The following CTSE variants were observed in gnomAD, a reference collection of about 807,000 sequenced individuals.
The protein encoded by CTSE is erythrocyte membrane aspartic proteinase.
Under a neutral mutation model 42.8 loss-of-function variants are expected in CTSE, and 43 were observed. The observed-to-expected ratio is 1.01, with a 90% CI of 0.79 to 1.30. CTSE has a LOEUF of 1.30. Among genes scored for constraint, CTSE ranks in the 50% most tolerant of loss-of-function variants. The probability of loss-of-function intolerance (pLI) is 0.00; values close to 1 mark genes in which losing one functional copy is unlikely to be tolerated. For synonymous variants in CTSE, 205 were observed against 191.5 expected, an observed-to-expected ratio of 1.07 and a Z score of -0.58; for missense variants, 532 against 493.5, an observed-to-expected ratio of 1.08 and a Z score of -0.74.
At position 206,023,665 on chromosome 1, in the gene CTSE, C is replaced by G. The variant is rs879988878; in HGVS notation, c.68+59G>C. 10 of 1,536,768 alleles carry G rather than the reference C, an allele frequency of 6.5e-6. No homozygotes were observed. In the South Asian group the frequency reaches 1.0e-4, roughly 15 times the overall value. On this transcript the variant is annotated intron_variant, in intron 1 of 8. Coordinates refer to ENST00000358184, the MANE Select transcript of CTSE (RefSeq NM_001910.4). ...CATCAGCTTTCCTACCCCAGAGCAG[C>G]CCTGAGTTGCAGGGCATGGGACTAC...
intron 5 of CTSE, among the ~76,000 whole-genome samples, chr1:206,014,870 T>C (rs28410805): frequency 0.3 from 46,002 of 151,922 alleles, 10,336 homozygotes; most frequent in African/African-American, 0.63. Flanking sequence ...TCCTGAGTGC[T>C]GTCATGCTGG....
rs781885529 is a variant in CTSE, at chr1:206,022,192, T to C, written c.301A>G (p.Asn101Asp). The C allele has an allele frequency of 1.9e-6, 3 of 1,612,946 alleles. No individual in the cohort carries two copies. In the South Asian group the frequency reaches 3.3e-5, roughly 18 times the overall value. ...CAGTACACAGAGGGGACCCAGAGGT[T>C]GGAGGAGCCAGTGTCGAAGATGACA... The part of the protein sequence containing the change: ...FTVIFDTGSS[N>D]LWVPSVYCTS... The change falls in exon 3 of 9, where the codon AAC becomes GAC. Residue 101 changes from asparagine to aspartate, a missense_variant. Coordinates refer to ENST00000358184, the MANE Select transcript of CTSE (RefSeq NM_001910.4).
Position 206,009,971 on chromosome 1 carries a change from G to T in CTSE, c.*212C>A. 1 of 519,132 alleles carries T rather than the reference G, an allele frequency of 1.9e-6. No homozygotes were observed. Among genetic ancestry groups the T allele is most frequent in the Non-Finnish European group, 3.4e-6 (1 of 293,194 alleles). The allele number at this position is 519,132 out of a possible 1,614,324, so 32.2% of individuals were successfully genotyped here. Reference sequence around the variant, plus strand: ...TATAACGTAATTCCTCCATCATGACGGTGGTGGGAGTGGTGTGTATGTGTG... The same window carrying T: ...TATAACGTAATTCCTCCATCATGACTGTGGTGGGAGTGGTGTGTATGTGTG... On this transcript the variant is annotated 3_prime_UTR_variant, in exon 9 of 9. Transcript: ENST00000358184.
At chr1:206,016,471 G>GCTTATTGTACAC (rs1553277755) in intron 4 of CTSE, among the ~76,000 whole-genome samples, 1 of 151,936 alleles carries the variant, frequency 6.6e-6, no homozygotes, top group African/African-American at 2.4e-5. Flanking sequence ...CTCATCATGT[G>GCTTATTGTACAC]CTTATTGTAC....
chr1:206,021,447 G>T (rs1347656787), intron 3 of CTSE: 1 of 356,590 alleles, frequency 2.8e-6, no homozygotes, highest in East Asian at 5.4e-5. Flanking sequence ...TTTATCAGGC[G>T]CCAGCCACAG....
Position 206,022,885 on chromosome 1 carries a change from C to T in CTSE, c.225+16G>A. 4 of 1,557,898 alleles carry T rather than the reference C, an allele frequency of 2.6e-6. No individual in the cohort carries two copies. The highest frequency in any genetic ancestry group is 3.5e-6 in the Non-Finnish European group (4 of 1,147,558). On this transcript the variant is annotated intron_variant, in intron 2 of 8. Coordinates refer to ENST00000358184, the MANE Select transcript of CTSE (RefSeq NM_001910.4). ...CGCTCCCACCTCTCCCCAGCCCTGA[C>T]CCCAGGAGGCCTCACATCCAAGTAG...
At chr1:206,010,465 G>T (rs1571807072) in intron 8 of CTSE, 118 bp from the exon 9 acceptor site, 1 of 838,772 alleles carries the variant, frequency 1.2e-6, no homozygotes. Context: ...CAGCTGGTGG[G>T]TTCCACCATT....
intron 3 of CTSE, chr1:206,021,479 C>A: frequency 3.2e-6 from 1 of 311,530 alleles, no homozygotes; most frequent in Non-Finnish European, 5.9e-6. Context: ...CATTGTGGGT[C>A]AGAGGTTGGC....
At chr1:206,021,874 G>T (rs1553278456) in intron 3 of CTSE, among the ~76,000 whole-genome samples, 1 of 152,112 alleles carries the variant, frequency 6.6e-6, no homozygotes, top group African/African-American at 2.4e-5. Context: ...GAGTCATTAT[G>T]TCAAAGATTT....
chr1:206,019,149 A>G (rs1488757742), intron 4 of CTSE, among the ~76,000 whole-genome samples: 1 of 152,082 alleles, frequency 6.6e-6, no homozygotes, highest in African/African-American at 2.4e-5. Flanking sequence ...ATTAGGAGGT[A>G]CTATAGATTA....
chr1:206,022,282 G>A lies in CTSE; in HGVS notation c.226-15C>T. 1.3e-6 allele frequency: 2 copies of A among 1,570,604 alleles called. No homozygotes were observed. Among genetic ancestry groups the A allele is most frequent in the Non-Finnish European group, 1.7e-6 (2 of 1,145,138 alleles). On this transcript the variant is annotated splice_polypyrimidine_tract_variant and intron_variant, in intron 2 of 8. Transcript: ENST00000358184. ...AAGTATTCCATCTGCAAGGAAGAGT[G>A]AGAAGGAAAGAGGGTGTGGGTGGTG...
chr1:206,012,201 G>A, intron 8 of CTSE, 107 bp downstream of exon 8: 1 of 865,624 alleles, frequency 1.2e-6, no homozygotes. Context: ...AACAACGTGG[G>A]GCGGGGCTTA....
chr1:206,015,934 C>T lies in CTSE; in HGVS notation c.659G>A (p.Ser220Asn), dbSNP rs1661247946. 7 of 1,613,666 alleles carry T rather than the reference C, an allele frequency of 4.3e-6. No individual in the cohort carries two copies. The highest frequency in any genetic ancestry group is 5.9e-6 in the Non-Finnish European group (7 of 1,179,694). The change falls in exon 5 of 9, where the codon AGC (serine) becomes AAC (asparagine). Residue 220 changes from serine to asparagine, a missense_variant. Ser to Asn is a conservative substitution (Grantham distance 46). Coordinates refer to ENST00000358184, the MANE Select transcript of CTSE (RefSeq NM_001910.4). ...VDLPMFSVYM[S>N]SNPEGGAGSE... ...TCACAGACTTGATGGGCCTTACCTG[C>T]TCATGTAGACAGAAAACATCGGCAA... is the stretch of plus-strand genomic sequence containing the variant.
chr1:206,012,616 G>C lies in CTSE; in HGVS notation c.819C>G (p.Ser273=). The C allele has an allele frequency of 6.2e-7, 1 of 1,613,946 alleles. No homozygotes were observed. The highest frequency in any genetic ancestry group is 8.5e-7 in the Non-Finnish European group (1 of 1,179,906). Reference sequence around the variant, plus strand: ...TGTCCACAATGGCCTGGCAGCCCTCGGAGCAGAACATAACAGTGCCTCCCA... The same window carrying C: ...TGTCCACAATGGCCTGGCAGCCCTCCGAGCAGAACATAACAGTGCCTCCCA... The part of the protein sequence containing the change: ...IQVGGTVMFC[S]EGCQAIVDTG... The change falls in exon 7 of 9, where the codon TCC becomes TCG. Residue 273 remains serine (S), a synonymous_variant. Coordinates refer to ENST00000358184, the MANE Select transcript of CTSE (RefSeq NM_001910.4).
In CTSE at chr1:206,010,111, G is replaced by A. The variant is rs1661043917; in HGVS notation, c.*72C>T. On this transcript the variant is annotated 3_prime_UTR_variant, in exon 9 of 9. Transcript: ENST00000358184. ...ATTCTCTGGAAAATAACTTTTTGTA[G>A]GTGTAAAGAATGCCCCAGCCTAACA... is the stretch of plus-strand genomic sequence containing the variant. 1.3e-6 allele frequency: 2 copies of A among 1,581,160 alleles called. No individual in the cohort carries two copies. The highest frequency in any genetic ancestry group is 1.7e-6 in the Non-Finnish European group (2 of 1,152,290).
At chr1:206,013,188 G>A (rs1007721716) in intron 6 of CTSE, among the ~76,000 whole-genome samples, 8 of 152,124 alleles carry the variant, frequency 5.3e-5, no homozygotes, top group South Asian at 2.1e-4. Flanking sequence ...TGTCTAGCAC[G>A]GCGCTAGGTA....
rs782091235 is a variant in CTSE, at chr1:206,009,442, T to TACC, written c.*738_*740dup. The stretch of plus-strand genomic sequence containing the variant: ...ACAAAATCAGACCTCCAGATCTAAC[T>TACC]ACCATTTTATAGGAAAGATAAGTTC... On this transcript the variant is annotated 3_prime_UTR_variant, in exon 9 of 9. Coordinates refer to ENST00000358184, the MANE Select transcript of CTSE (RefSeq NM_001910.4). 3 of 152,082 alleles carry TACC rather than the reference T, an allele frequency of 2.0e-5. No homozygotes were observed. Among genetic ancestry groups the TACC allele is most frequent in the Non-Finnish European group, 4.4e-5 (3 of 68,030 alleles). 9.4% of individuals were successfully genotyped at this position (152,082 alleles called of 1,614,324 possible).
At chr1:206,012,925 AC>A (rs1230509870) in intron 6 of CTSE, among the ~76,000 whole-genome samples, 4 of 151,888 alleles carry the variant, frequency 2.6e-5, no homozygotes, top group African/African-American at 9.7e-5. Context: ...CAATCTCTTG[AC>A]CTTGTGATCC....
intron 5 of CTSE, 103 bp from the exon 6 acceptor site, chr1:206,013,997 C>T: frequency 7.9e-7 from 1 of 1,259,106 alleles, no homozygotes; most frequent in Non-Finnish European, 1.1e-6. Flanking sequence ...GCCAAGCACA[C>T]AGGTAGGCAG....
Sources: gnomAD v4.1 joint callset for allele counts (sites outside exome capture counted in the v4.1 genomes callset) on GRCh38, gnomAD v4.1.1 for gene constraint, MANE v1.5 for transcripts, NCBI Gene and HGNC (gene_info 2026-07-23, HGNC 2026-07-21) for gene names.